The following CLIC5 variants were observed in gnomAD, a reference collection of about 807,000 sequenced individuals.
The protein encoded by CLIC5 is chloride intracellular channel protein 5.
In CLIC5, 20 loss-of-function variants were observed where a neutral mutation model predicts 24.7. That is an observed-to-expected ratio of 0.81 (90% CI 0.57 to 1.18). The LOEUF is 1.18. CLIC5 is among the 50% of genes most tolerant of loss of function. The pLI, the probability that CLIC5 is intolerant of heterozygous loss-of-function variation, is 0.00. For missense variants in CLIC5, 341 were observed against 326.1 expected (o/e 1.05, Z -0.35); for synonymous variants, 159 against 135.6 (o/e 1.17, Z -1.20).
At chr6:46,035,056 C>G (rs1032812245) in intron 1 of CLIC5, among the ~76,000 whole-genome samples, 1 of 152,120 alleles carries the variant, frequency 6.6e-6, no homozygotes, top group Non-Finnish European at 1.5e-5. Flanking sequence ...AAAGTTTTAC[C>G]CATATTATCT....
intron 1 of CLIC5, among the ~76,000 whole-genome samples, chr6:45,968,965 G>C (rs577962705): frequency 6.6e-6 from 1 of 152,142 alleles, no homozygotes; most frequent in Non-Finnish European, 1.5e-5. Flanking sequence ...TTCCCTCTCT[G>C]GGTCTTAATC....
At chr6:45,975,919 C>A (rs570954312) in intron 1 of CLIC5, among the ~76,000 whole-genome samples, 12 of 152,132 alleles carry the variant, frequency 7.9e-5, no homozygotes, top group African/African-American at 2.9e-4. Context: ...GGTAAAGGAC[C>A]AGGGCCTGAA....
In CLIC5 at chr6:45,930,396, A is replaced by G. The variant is rs1005455891; in HGVS notation, c.406+11151T>C. Among the ~76,000 whole-genome samples the G allele has an allele frequency of 5.3e-5, 8 of 152,158 alleles. 1 individual carries two copies. The highest frequency in any genetic ancestry group is 1.4e-4 in the African/African-American group (6 of 41,430). On this transcript the variant is annotated intron_variant, in intron 4 of 5. Coordinates refer to ENST00000339561, the MANE Select transcript of CLIC5 (RefSeq NM_016929.5). The stretch of plus-strand genomic sequence containing the variant: ...TGGGAGGGGCAGCCAGGGACCTCCT[A>G]TGGTAGATCCGTCAGGCCTGGTGGA...
At chr6:45,918,712 G>T (rs1327595245) in intron 4 of CLIC5, among the ~76,000 whole-genome samples, 2 of 152,244 alleles carry the variant, frequency 1.3e-5, no homozygotes, top group Non-Finnish European at 2.9e-5. Context: ...GGAGGTTGTG[G>T]TTATTGGGCA....
chr6:46,001,346 T>G (rs779426300), intron 1 of CLIC5, among the ~76,000 whole-genome samples: 2 of 152,162 alleles, frequency 1.3e-5, no homozygotes, highest in Non-Finnish European at 2.9e-5. Context: ...AAGAGGTGGA[T>G]GGCTTTCTCC....
At chr6:46,079,739 T>C (rs1437770357) in exon 1 of CLIC5, 1 of 1,551,776 alleles carries the variant, frequency 6.4e-7, no homozygotes, top group Admixed American at 2.0e-5. Context: ...TCATGTGAGC[T>C]CCCTCCTTTT....
rs984367895 is a variant in CLIC5 at position 45,898,942 on chromosome 6, A to G, written c.*4146T>C. ...AGAAACACAGAATAGCCCAAACCTT[A>G]TATTGAGGCAACGTATTTTATTTAT... On this transcript the variant is annotated 3_prime_UTR_variant, in exon 6 of 6. Coordinates refer to ENST00000339561, the MANE Select transcript of CLIC5 (RefSeq NM_016929.5). The G allele has an allele frequency of 1.3e-4, 20 of 152,262 alleles. No homozygotes were observed. The highest frequency in any genetic ancestry group is 7.8e-4 in the Admixed American group (12 of 15,292). 9.4% of individuals were successfully genotyped at this position (152,262 alleles called of 1,614,324 possible). A position where few individuals can be genotyped will look rare whatever the true frequency, so the allele number is the denominator to read the frequency against.
chr6:46,053,218 A>G (rs1768153206), intron 1 of CLIC5, among the ~76,000 whole-genome samples: 1 of 152,144 alleles, frequency 6.6e-6, no homozygotes, highest in African/African-American at 2.4e-5. Flanking sequence ...ATTCAGTATA[A>G]TCATTCCGTG....
chr6:45,921,582 T>A (rs1581738753), intron 4 of CLIC5, among the ~76,000 whole-genome samples: 1 of 151,600 alleles, frequency 6.6e-6, no homozygotes, highest in East Asian at 2.0e-4. Context: ...TATGAGAGGA[T>A]GAAGGGGAAG....
intron 3 of CLIC5, among the ~76,000 whole-genome samples, chr6:45,946,653 G>A (rs1561954626): frequency 1.3e-5 from 2 of 152,204 alleles, no homozygotes; most frequent in Admixed American, 1.3e-4. Context: ...CTCCCAGCCT[G>A]AGTCGCTGGG....
intron 1 of CLIC5, among the ~76,000 whole-genome samples, chr6:46,036,541 A>T (rs1312510228): frequency 2.6e-5 from 4 of 150,954 alleles, no homozygotes; most frequent in Admixed American, 6.6e-5. Context: ...CCTTCTCCTG[A>T]CCTCGTGTTC....
chr6:45,991,112 C>A (rs1275222216), intron 1 of CLIC5, among the ~76,000 whole-genome samples: 1 of 152,170 alleles, frequency 6.6e-6, no homozygotes. Flanking sequence ...ATAATCCCTT[C>A]GAGTGTGAAT....
At position 46,015,610 on chromosome 6, in the gene CLIC5, C is replaced by A; in HGVS notation, c.-68G>T. The A allele has an allele frequency of 6.9e-7, 1 of 1,445,352 alleles. No individual in the cohort carries two copies. 89.5% of individuals were successfully genotyped at this position (1,445,352 alleles called of 1,614,324 possible). A position where few individuals can be genotyped will look rare whatever the true frequency, so the allele number is the denominator to read the frequency against. On this transcript the variant is annotated 5_prime_UTR_variant, in exon 1 of 6. Transcript: ENST00000339561. ...CACCTCTGCAGCACCTGGGCCAGCA[C>A]TCTGCGCTCCTGCCGCTGCCCAGCG...
intron 1 of CLIC5, among the ~76,000 whole-genome samples, chr6:45,995,681 T>A (rs1378034254): frequency 1.3e-5 from 2 of 152,200 alleles, no homozygotes; most frequent in Non-Finnish European, 2.9e-5. Flanking sequence ...ATAGGATCTA[T>A]AAGATTCAAA....
intron 1 of CLIC5, among the ~76,000 whole-genome samples, chr6:45,977,583 G>C (rs1765426510): frequency 6.6e-6 from 1 of 152,004 alleles, no homozygotes; most frequent in Non-Finnish European, 1.5e-5. Context: ...CTGCCTCTCA[G>C]GGACCCTTTC....
intron 1 of CLIC5, among the ~76,000 whole-genome samples, chr6:46,026,872 C>T (rs760135548): frequency 1.3e-5 from 2 of 151,920 alleles, no homozygotes; most frequent in Non-Finnish European, 2.9e-5. Flanking sequence ...AGAAAAGATG[C>T]TCCTTGTCTA....
rs558431134 is a variant in CLIC5 at position 45,942,575 on chromosome 6, T to G, written c.300-922A>C. Among the ~76,000 whole-genome samples the G allele has an allele frequency of 2.6e-5, 4 of 152,366 alleles. No homozygotes were observed. In the South Asian group the frequency reaches 8.3e-4, roughly 32 times the overall value. Reference sequence around the variant, plus strand: ...ATTATTTTCAATGAATGTGCACCTCTGTGATCTCTGGGTGAATCGTTTTTG... The same window carrying G: ...ATTATTTTCAATGAATGTGCACCTCGGTGATCTCTGGGTGAATCGTTTTTG... On this transcript the variant is annotated intron_variant, in intron 3 of 5. Transcript: ENST00000339561.
chr6:45,914,023 A>G (rs1295678222), intron 5 of CLIC5, among the ~76,000 whole-genome samples: 2 of 152,142 alleles, frequency 1.3e-5, no homozygotes, highest in African/African-American at 4.8e-5. Context: ...TAAGCAATAT[A>G]TGCCTATTTT....
chr6:45,934,000 A>G (rs1356984627), intron 4 of CLIC5, among the ~76,000 whole-genome samples: 1 of 152,226 alleles, frequency 6.6e-6, no homozygotes, highest in Non-Finnish European at 1.5e-5. Flanking sequence ...GGGGAGAGCC[A>G]AAGAAAATGG....
Sources: gnomAD v4.1 joint callset for allele counts (sites outside exome capture counted in the v4.1 genomes callset) on GRCh38, gnomAD v4.1.1 for gene constraint, MANE v1.5 for transcripts, NCBI Gene and HGNC (gene_info 2026-07-23, HGNC 2026-07-21) for gene names.